The following LRRC59 variants were observed in gnomAD, a reference collection of about 807,000 sequenced individuals.
LRRC59 encodes the protein leucine-rich repeat-containing protein 59.
LRRC59 carries 18 observed loss-of-function variants against 33.5 expected under a neutral mutation model. The ratio of observed to expected loss-of-function variants is 0.54; its 90% CI spans 0.37 to 0.80. LRRC59 has a LOEUF of 0.80. Ranked by LOEUF, LRRC59 falls within the 30% of genes least tolerant of loss-of-function variation. The probability of loss-of-function intolerance (pLI) is 0.00; values close to 1 mark genes in which losing one functional copy is unlikely to be tolerated. For synonymous variants in LRRC59, 138 were observed against 160.0 expected (o/e 0.86, Z 1.04); for missense variants, 330 against 391.9 (o/e 0.84, Z 1.33).
chr17:50,391,583 G>A (rs1448909367), intron 4 of LRRC59, among the ~76,000 whole-genome samples: 1 of 152,162 alleles, frequency 6.6e-6, no homozygotes, highest in Non-Finnish European at 1.5e-5. Context: ...TTAATAGGTA[G>A]GGTACGGCAC....
rs1913895335 is a variant in LRRC59 at position 50,382,729 on chromosome 17, AC to A, written c.*258del. 3 of 499,322 alleles carry A rather than the reference AC, an allele frequency of 6.0e-6. No individual in the cohort carries two copies. Among genetic ancestry groups the A allele is most frequent in the Non-Finnish European group, 3.5e-6 (1 of 282,908 alleles). 30.9% of individuals were successfully genotyped at this position (499,322 alleles called of 1,614,324 possible). A position where few individuals can be genotyped will look rare whatever the true frequency, so the allele number is the denominator to read the frequency against. On this transcript the variant is annotated 3_prime_UTR_variant, in exon 7 of 7. Transcript: ENST00000225972. Reference sequence around the variant, plus strand: ...AAAAGGCTATGTTTTCTCTCTCCCCACCCCCAAGCCTACTCCTTTAGGCATG... The same window carrying A: ...AAAAGGCTATGTTTTCTCTCTCCCCACCCCAAGCCTACTCCTTTAGGCATG...
chr17:50,383,006 C>A lies in LRRC59; in HGVS notation c.906G>T (p.Gln302His). Reference protein sequence around the residue: ...RRHEILQWVLQTDSQQ With the variant: ...RRHEILQWVLHTDSQQ ...GACAAGCTCACTGCTGAGAGTCGGT[C>A]TGGAGGACCCACTGGAGGATCTCAT... The change falls in exon 7 of 7, where the codon CAG (glutamine) becomes CAT (histidine). Residue 302 changes from glutamine to histidine, a missense_variant. Coordinates refer to ENST00000225972, the MANE Select transcript of LRRC59 (RefSeq NM_018509.4). 2 of 1,612,880 alleles carry A rather than the reference C, an allele frequency of 1.2e-6. No homozygotes were observed. Among genetic ancestry groups the A allele is most frequent in the African/African-American group, 2.7e-5 (2 of 75,008 alleles).
At chr17:50,388,248 T>C in intron 4 of LRRC59, 116 bp from the exon 5 acceptor site, 1 of 958,582 alleles carries the variant, frequency 1.0e-6, no homozygotes, top group Non-Finnish European at 1.6e-6. Context: ...GTAGAACTAA[T>C]AAGAGTTAGG....
intron 3 of LRRC59, 100 bp downstream of exon 3, chr17:50,392,639 A>C: frequency 2.0e-6 from 3 of 1,536,154 alleles, no homozygotes; most frequent in Non-Finnish European, 2.7e-6. Flanking sequence ...AGGCAGGACC[A>C]ACAAGGGGGT....
In LRRC59 at chr17:50,383,127, C is replaced by G; in HGVS notation, c.785G>C (p.Gly262Ala). 1 of 1,563,352 alleles carries G rather than the reference C, an allele frequency of 6.4e-7. No individual in the cohort carries two copies. Among genetic ancestry groups the G allele is most frequent in the Non-Finnish European group, 8.7e-7 (1 of 1,154,142 alleles). ...LLLLLFGVAG[G>A]LVACRVTELQ... The stretch of plus-strand genomic sequence containing the variant: ...CTCTGTCACCCGACAAGCAACCAGC[C>G]CTCCCGCCACACCAAATAGCAGCAG... Residue 262 changes from glycine (G) to alanine (A), a missense_variant, in exon 7 of 7, where the codon GGG (glycine) becomes GCG (alanine). By Grantham distance (60) the Gly-to-Ala change is moderately conservative. Transcript: ENST00000225972.
chr17:50,383,097 T>A lies in LRRC59; in HGVS notation c.815A>T (p.Gln272Leu). The A allele has an allele frequency of 6.2e-7, 1 of 1,601,054 alleles. No homozygotes were observed. The highest frequency in any genetic ancestry group is 1.3e-5 in the African/African-American group (1 of 74,938). Residue 272 changes from glutamine (Q) to leucine (L), a missense_variant, in exon 7 of 7, where the codon CAG becomes CTG. Transcript: ENST00000225972. ...GLVACRVTEL[Q>L]QQPLCTSVNT... The stretch of plus-strand genomic sequence containing the variant: ...CACGCTGGTGCAGAGGGGCTGCTGC[T>A]GCAGCTCTGTCACCCGACAAGCAAC...
chr17:50,389,757 C>G (rs970977108), intron 4 of LRRC59, among the ~76,000 whole-genome samples: 2 of 152,134 alleles, frequency 1.3e-5, no homozygotes, highest in Admixed American at 6.6e-5. Flanking sequence ...ACACACCCAT[C>G]ATAAGAAGTA....
In LRRC59 at chr17:50,382,029, TAGAC is replaced by T. The variant is rs1330732694; in HGVS notation, c.*955_*958del. 1.3e-5 allele frequency: 2 copies of T among 152,652 alleles called. No homozygotes were observed. Among genetic ancestry groups the T allele is most frequent in the Non-Finnish European group, 2.9e-5 (2 of 68,040 alleles). 9.5% of individuals were successfully genotyped at this position (152,652 alleles called of 1,614,324 possible). ...ACACCAAGTACAACTAGAGCTGTCA[TAGAC>T]AGTGTAGGTTTGCAGAGATCCACCT... On this transcript the variant is annotated 3_prime_UTR_variant, in exon 7 of 7. Transcript: ENST00000225972.
chr17:50,384,955 G>A (rs752679421), intron 6 of LRRC59, among the ~76,000 whole-genome samples, 163 bp downstream of exon 6: 18 of 152,260 alleles, frequency 1.2e-4, no homozygotes, highest in Non-Finnish European at 2.1e-4. Context: ...CTCCCTAGGA[G>A]AGTCCCCCAT....
At position 50,394,916 on chromosome 17, in the gene LRRC59, A is replaced by C; in HGVS notation, c.165+13T>G. The C allele has an allele frequency of 3.2e-6, 5 of 1,585,874 alleles. No homozygotes were observed. The highest frequency in any genetic ancestry group is 4.3e-6 in the Non-Finnish European group (5 of 1,159,942). On this transcript the variant is annotated intron_variant, in intron 2 of 6. Coordinates refer to ENST00000225972, the MANE Select transcript of LRRC59 (RefSeq NM_018509.4). ...AGGCACCAGAAGGAGTCACGGCTGC[A>C]TGCCAATCTTACCGGTAGAGTAGTC...
At chr17:50,385,039 A>G (rs1339997600) in intron 6 of LRRC59, 79 bp downstream of exon 6, 1 of 1,494,178 alleles carries the variant, frequency 6.7e-7, no homozygotes, top group Non-Finnish European at 9.1e-7. Flanking sequence ...AGGCCTGCTC[A>G]CCCCAGTTGT....
intron 6 of LRRC59, among the ~76,000 whole-genome samples, chr17:50,384,448 C>G (rs1913950846): frequency 6.6e-6 from 1 of 152,122 alleles, no homozygotes; most frequent in South Asian, 2.1e-4. Context: ...GCCTGAGCCA[C>G]AGAACTTTAC....
chr17:50,392,502 T>A lies in LRRC59; in HGVS notation c.325A>T (p.Asn109Tyr), dbSNP rs148806605. 6.1e-5 allele frequency: 99 copies of A among 1,612,196 alleles called. No individual in the cohort carries two copies. In the African/African-American group the frequency reaches 1.1e-3, roughly 17 times the overall value. Residue 109 changes from asparagine to tyrosine, a missense_variant and splice_region_variant, in exon 4 of 7, where the codon AAC (asparagine) becomes TAC (tyrosine). Asn to Tyr is a moderately radical substitution (Grantham distance 143, BLOSUM62 -2). Coordinates refer to ENST00000225972, the MANE Select transcript of LRRC59 (RefSeq NM_018509.4). ...TCCTTCAGGTCCAACCACTTCAGGT[T>A]CTAAAGAGATGGGCGATGGGCAAAG... Reference protein sequence around the residue: ...TLPVSFAQLKNLKWLDLKDNP... With the variant: ...TLPVSFAQLKYLKWLDLKDNP...
chr17:50,397,115 G>A (rs1327951340), intron 1 of LRRC59, 98 bp downstream of exon 1: 1 of 941,058 alleles, frequency 1.1e-6, no homozygotes, highest in East Asian at 2.9e-5. Context: ...TTAAAGAAAA[G>A]GAAACTGATG....
At position 50,382,180 on chromosome 17, in the gene LRRC59, T is replaced by C. The variant is rs1913872613; in HGVS notation, c.*808A>G. On this transcript the variant is annotated 3_prime_UTR_variant, in exon 7 of 7. Transcript: ENST00000225972. ...TCCACAGGAGCTGCCCGTGACCTGA[T>C]GATAGCAAGAGATTTCTATCTCTGA... 1 of 152,528 alleles carries C rather than the reference T, an allele frequency of 6.6e-6. No homozygotes were observed. The highest frequency in any genetic ancestry group is 2.1e-4 in the South Asian group (1 of 4,836). 9.4% of individuals were successfully genotyped at this position (152,528 alleles called of 1,614,324 possible). A position where few individuals can be genotyped will look rare whatever the true frequency, so the allele number is the denominator to read the frequency against.
At chr17:50,393,885 C>T (rs1437478514) in intron 2 of LRRC59, among the ~76,000 whole-genome samples, 1 of 152,212 alleles carries the variant, frequency 6.6e-6, no homozygotes, top group Admixed American at 6.5e-5. Flanking sequence ...GAGGCGGGAT[C>T]TTGCTATGTT....
intron 6 of LRRC59, 126 bp from the exon 7 acceptor site, chr17:50,383,361 C>G (rs769184806): frequency 1.6e-6 from 2 of 1,242,068 alleles, no homozygotes; most frequent in South Asian, 3.2e-5. Flanking sequence ...CTCCCCAGGC[C>G]CTGAAGAGAA....
rs1307306794 is a variant in LRRC59, at chr17:50,392,551, A to T, written c.325-49T>A. On this transcript the variant is annotated intron_variant, in intron 3 of 6. Coordinates refer to ENST00000225972, the MANE Select transcript of LRRC59 (RefSeq NM_018509.4). Reference sequence around the variant, plus strand: ...AGAGGCTCATTAAGCCCGAGTTCACATACATAGTCCCTCAGGGTGAAACAA... The same window carrying T: ...AGAGGCTCATTAAGCCCGAGTTCACTTACATAGTCCCTCAGGGTGAAACAA... 2.0e-6 allele frequency: 3 copies of T among 1,521,682 alleles called. No homozygotes were observed. In the South Asian group the frequency reaches 3.4e-5, roughly 17 times the overall value. The allele number at this position is 1,521,682 out of a possible 1,614,324, so 94.3% of individuals were successfully genotyped here.
chr17:50,397,079 A>G (rs1914292481), intron 1 of LRRC59, 134 bp downstream of exon 1: 1 of 613,736 alleles, frequency 1.6e-6, no homozygotes, highest in African/African-American at 1.9e-5. Context: ...CTCCTAGGGG[A>G]CTTAGTCCCA....
Sources: allele counts gnomAD v4.1 joint callset (sites outside exome capture counted in the v4.1 genomes callset), GRCh38; gene constraint gnomAD v4.1.1; transcripts MANE v1.5; gene names NCBI Gene and HGNC (gene_info 2026-07-23, HGNC 2026-07-21).